HEXA: variants seen among roughly 807,000 people sequenced by gnomAD.
HEXA encodes beta-hexosaminidase subunit alpha.
Under a neutral mutation model 73.3 loss-of-function variants are expected in HEXA, and 54 were observed. The ratio of observed to expected loss-of-function variants is 0.74; its 90% CI spans 0.59 to 0.92. The LOEUF is 0.92. Among genes scored for constraint, HEXA ranks in the 40% least tolerant of loss-of-function variants. The pLI, the probability that HEXA is intolerant of heterozygous loss-of-function variation, is 0.00. For synonymous variants in HEXA, 230 were observed against 246.9 expected, an observed-to-expected ratio of 0.93 and a Z score of 0.64; for missense variants, 649 against 653.0, an observed-to-expected ratio of 0.99 and a Z score of 0.07.
At chr15:72,365,318 C>T (rs950491521) in intron 1 of HEXA, among the ~76,000 whole-genome samples, 4 of 152,150 alleles carry the variant, frequency 2.6e-5, no homozygotes, top group African/African-American at 9.7e-5. Context: ...CCAGGATGGT[C>T]TAGATCTCCT....
At chr15:72,356,013 C>T (rs1474968611) in intron 2 of HEXA, 3 of 460,012 alleles carry the variant, frequency 6.5e-6, no homozygotes, top group Non-Finnish European at 8.6e-6. Context: ...GCTCCCAATG[C>T]CTTTGTAATC....
intron 2 of HEXA, 26 bp downstream of exon 2, chr15:72,356,499 A>C: frequency 6.2e-7 from 1 of 1,613,256 alleles, no homozygotes; most frequent in Non-Finnish European, 8.5e-7. Context: ...TTGCTCTTCT[A>C]AGACAGGGAA....
In HEXA at chr15:72,373,657, G is replaced by T. The variant is rs560854651; in HGVS notation, c.253+2063C>A. On this transcript the variant is annotated intron_variant, in intron 1 of 13. Transcript: ENST00000268097. ...ACAATCTCTCCATTTCTATCTACTTGATTAAACTATGGTGCTATAGCAATG... is the reference window on the plus strand; with the variant it reads ...ACAATCTCTCCATTTCTATCTACTTTATTAAACTATGGTGCTATAGCAATG... Among the ~76,000 whole-genome samples the T allele has an allele frequency of 1.2e-4, 19 of 152,176 alleles. 1 individual carries two copies. The South Asian group carries it at 4.0e-3, about 32-fold the overall frequency.
chr15:72,366,938 G>GTT (rs575978880), intron 1 of HEXA, among the ~76,000 whole-genome samples: 1 of 147,414 alleles, frequency 6.8e-6, no homozygotes, highest in Admixed American at 6.8e-5. Context: ...TAATTTCACT[G>GTT]TTTTTTTTTT....
At position 72,342,872 on chromosome 15, in the gene HEXA, G is replaced by A. The variant is rs2088566036; in HGVS notation, c.*1205C>T. The A allele has an allele frequency of 6.6e-6, 1 of 152,110 alleles. No individual in the cohort carries two copies. The highest frequency in any genetic ancestry group is 6.6e-5 in the Admixed American group (1 of 15,264). 9.4% of individuals were successfully genotyped at this position (152,110 alleles called of 1,614,324 possible). The stretch of plus-strand genomic sequence containing the variant: ...GAGGCCAAGACAAGTGAACATCTGA[G>A]GTCATGAGTTCAAGACCAGCCTGGC... On this transcript the variant is annotated 3_prime_UTR_variant, in exon 14 of 14. Transcript: ENST00000268097.
chr15:72,353,829 A>G, intron 3 of HEXA, 92 bp from the exon 4 acceptor site: 1 of 934,044 alleles, frequency 1.1e-6, no homozygotes, highest in South Asian at 1.3e-5. Flanking sequence ...AGAGCATAAC[A>G]TTTGGGTACA....
At position 72,344,004 on chromosome 15, in the gene HEXA, T is replaced by C; in HGVS notation, c.*73A>G. The C allele has an allele frequency of 2.3e-6, 3 of 1,332,298 alleles. No homozygotes were observed. Among genetic ancestry groups the C allele is most frequent in the Non-Finnish European group, 3.2e-6 (3 of 925,196 alleles). The allele number at this position is 1,332,298 out of a possible 1,614,324, so 82.5% of individuals were successfully genotyped here. ...CACGAAGGCAAGGGGCTCCGTCCCC[T>C]GGCCAGGATGCAGTGGAAGCCTGGC... is the stretch of plus-strand genomic sequence containing the variant. On this transcript the variant is annotated 3_prime_UTR_variant, in exon 14 of 14. Transcript: ENST00000268097.
chr15:72,375,868 C>T lies in HEXA; in HGVS notation c.105G>A (p.Gln35=), dbSNP rs542366960. 1 of 1,614,266 alleles carries T rather than the reference C, an allele frequency of 6.2e-7. No homozygotes were observed. The highest frequency in any genetic ancestry group is 1.1e-5 in the South Asian group (1 of 91,092). The change falls in exon 1 of 14, where the codon CAG becomes CAA. Residue 35 remains glutamine (Q), a synonymous_variant. Transcript: ENST00000268097. ...AGTTGTTCGGGTAAAGGACGTAGCG[C>T]TGGTCGGAGGTTTGGAAGTTCTGAG... is the stretch of plus-strand genomic sequence containing the variant. ...PWPQNFQTSD[Q]RYVLYPNNFQ... is the part of the protein sequence containing the mutation.
At chr15:72,346,203 C>T (rs760695691) in intron 12 of HEXA, 32 bp downstream of exon 12, 9 of 1,549,376 alleles carry the variant, frequency 5.8e-6, no homozygotes, top group African/African-American at 1.4e-5. Context: ...CTCTCAGGCC[C>T]AACCCTCCAC....
At chr15:72,347,892 A>C in intron 9 of HEXA, 134 bp from the exon 10 acceptor site, 1 of 1,014,680 alleles carries the variant, frequency 9.9e-7, no homozygotes, top group Non-Finnish European at 1.5e-6. Context: ...CCCTGGGCTG[A>C]AAACCAACCA....
chr15:72,359,275 C>T (rs1484988730), intron 1 of HEXA: 1 of 152,206 alleles, frequency 6.6e-6, no homozygotes, highest in Non-Finnish European at 1.5e-5. Context: ...ACAGATAATA[C>T]ACTCCAGGGT....
intron 1 of HEXA, among the ~76,000 whole-genome samples, chr15:72,367,309 G>T (rs553692570): frequency 6.6e-6 from 1 of 152,116 alleles, no homozygotes; most frequent in East Asian, 1.9e-4. Context: ...ATGGCAGCAC[G>T]AGTGAATGAG....
intron 1 of HEXA, chr15:72,357,538 G>A (rs1487174355): frequency 1.3e-5 from 2 of 152,150 alleles, no homozygotes; most frequent in Non-Finnish European, 2.9e-5. Context: ...GGTGGCTCTG[G>A]TGTTATAGCC....
intron 1 of HEXA, among the ~76,000 whole-genome samples, chr15:72,364,927 T>C (rs1017097946): frequency 6.6e-6 from 1 of 151,278 alleles, no homozygotes; most frequent in African/African-American, 2.4e-5. Context: ...GCTCAAGTGA[T>C]CCTCCTGCCT....
intron 7 of HEXA, 155 bp downstream of exon 7, chr15:72,350,363 G>A (rs1008559593): frequency 5.8e-5 from 48 of 824,330 alleles, no homozygotes; most frequent in Non-Finnish European, 9.9e-5. Context: ...TCCAAAGTGA[G>A]TTCTTCCTAT....
chr15:72,367,522 T>G (rs191339161), intron 1 of HEXA, among the ~76,000 whole-genome samples: 36 of 152,296 alleles, frequency 2.4e-4, no homozygotes, highest in African/African-American at 8.4e-4. Flanking sequence ...TTAACTGGGT[T>G]TCCTGCCTCT....
chr15:72,347,735 T>A lies in HEXA; in HGVS notation c.1097A>T (p.Tyr366Phe). 1.2e-6 allele frequency: 2 copies of A among 1,614,156 alleles called. No homozygotes were observed. The highest frequency in any genetic ancestry group is 8.5e-7 in the Non-Finnish European group (1 of 1,180,010). Reference protein sequence around the residue: ...IQTLLDIVSSYGKGYVVWQEV... With the variant: ...IQTLLDIVSSFGKGYVVWQEV... ...CTGCCACACCACATAGCCCTTGCCA[T>A]AAGAAGAGACGATGTCCAGCAGCCT... The change falls in exon 10 of 14, where the codon TAT becomes TTT. Residue 366 changes from tyrosine to phenylalanine, a missense_variant. Tyr to Phe is a conservative substitution (Grantham distance 22). Transcript: ENST00000268097.
chr15:72,350,185 C>T, intron 7 of HEXA: 13 of 387,006 alleles, frequency 3.4e-5, no homozygotes, highest in South Asian at 2.8e-4. Context: ...CTGACTGACT[C>T]TGACCTCTGC....
chr15:72,346,946 C>T, intron 10 of HEXA: 1 of 550,716 alleles, frequency 1.8e-6, no homozygotes, highest in Non-Finnish European at 3.3e-6. Context: ...GCCTCCCTGT[C>T]CACACAGAGC....
Sources: allele counts gnomAD v4.1 joint callset (sites outside exome capture counted in the v4.1 genomes callset), GRCh38; gene constraint gnomAD v4.1.1; transcripts MANE v1.5; gene names NCBI Gene and HGNC (gene_info 2026-07-23, HGNC 2026-07-21).